Variants in AAGAB observed in about 807,000 individuals in gnomAD.
AAGAB encodes alpha- and gamma-adaptin-binding protein p34.
AAGAB carries 38 observed loss-of-function variants against 44.1 expected under a neutral mutation model. That is an observed-to-expected ratio of 0.86 (90% CI 0.67 to 1.13). The LOEUF is 1.13. Ranked by LOEUF, AAGAB falls within the 50% of genes most tolerant of loss-of-function variation. The pLI, the probability that AAGAB is intolerant of heterozygous loss-of-function variation, is 0.00. For missense variants in AAGAB, 450 were observed against 373.8 expected (o/e 1.20, Z -1.68); for synonymous variants, 131 against 131.8 (o/e 0.99, Z 0.04).
Position 67,202,669 on chromosome 15 carries a change from C to T in AAGAB, c.*152G>A, listed in dbSNP as rs532249958. 2.8e-3 allele frequency: 1,810 copies of T among 638,902 alleles called. 10 individuals carry two copies. The highest frequency in any genetic ancestry group is 4.3e-3 in the Non-Finnish European group (1,514 of 355,720). The allele number at this position is 638,902 out of a possible 1,614,324, so 39.6% of individuals were successfully genotyped here. On this transcript the variant is annotated 3_prime_UTR_variant, in exon 10 of 10. Transcript: ENST00000261880. ...AGGAAAAAAAAGATTTCTCCTTAAC[C>T]TCCTACTAAAAACTAAAATTAAGGG...
intron 1 of AAGAB, among the ~76,000 whole-genome samples, chr15:67,251,544 C>T (rs1964873521): frequency 1.3e-5 from 2 of 152,206 alleles, no homozygotes; most frequent in Non-Finnish European, 1.5e-5. Context: ...GCATGCACCA[C>T]TGCATTTGGA....
chr15:67,220,127 T>G (rs1213569854), intron 5 of AAGAB, among the ~76,000 whole-genome samples: 1 of 152,214 alleles, frequency 6.6e-6, no homozygotes, highest in African/African-American at 2.4e-5. Flanking sequence ...TAGCTGTACT[T>G]TGTTAAGTGC....
At chr15:67,250,985 C>T (rs1342927631) in intron 1 of AAGAB, among the ~76,000 whole-genome samples, 1 of 152,110 alleles carries the variant, frequency 6.6e-6, no homozygotes, top group Non-Finnish European at 1.5e-5. Context: ...CGAGATCGTG[C>T]CACTGCACTC....
intron 5 of AAGAB, among the ~76,000 whole-genome samples, chr15:67,217,426 GTA>G (rs1963975777): frequency 6.6e-6 from 1 of 152,186 alleles, no homozygotes; most frequent in South Asian, 2.1e-4. Flanking sequence ...AGTCAAATTT[GTA>G]TTTAATCATC....
intron 1 of AAGAB, among the ~76,000 whole-genome samples, chr15:67,244,222 C>A (rs1210127669): frequency 6.6e-6 from 1 of 152,180 alleles, no homozygotes; most frequent in Non-Finnish European, 1.5e-5. Context: ...TAAGCTTGAT[C>A]TGTTAGAAAA....
chr15:67,211,194 C>G (rs1463742036), intron 5 of AAGAB, among the ~76,000 whole-genome samples: 1 of 152,180 alleles, frequency 6.6e-6, no homozygotes, highest in Non-Finnish European at 1.5e-5. Flanking sequence ...TCATATGTAG[C>G]TATCAACCCA....
intron 6 of AAGAB, among the ~76,000 whole-genome samples, chr15:67,208,887 A>C (rs180817157): frequency 6.6e-6 from 1 of 152,372 alleles, no homozygotes; most frequent in Non-Finnish European, 1.5e-5. Context: ...TTTGCTTTAG[A>C]CTACTAAAAC....
At chr15:67,216,512 G>C (rs1319819566) in intron 5 of AAGAB, among the ~76,000 whole-genome samples, 1 of 147,208 alleles carries the variant, frequency 6.8e-6, no homozygotes, top group Admixed American at 6.8e-5. Context: ...CAATACTCTG[G>C]TATTTTGTCT....
chr15:67,211,280 T>C lies in AAGAB; in HGVS notation c.536-1736A>G, dbSNP rs149261859. ...TGCTGCCCTACTGCTTTTCATTCTG[T>C]ACAACCTCAACAGTGGCAGCATGGT... On this transcript the variant is annotated intron_variant, in intron 5 of 9. Transcript: ENST00000261880. Among the ~76,000 whole-genome samples the C allele has an allele frequency of 2.0e-3, 307 of 152,332 alleles. 2 individuals are homozygous for C. Among genetic ancestry groups the C allele is most frequent in the African/African-American group, 6.9e-3 (287 of 41,568 alleles).
At chr15:67,220,828 T>C (rs910289617) in intron 5 of AAGAB, among the ~76,000 whole-genome samples, 9 of 152,244 alleles carry the variant, frequency 5.9e-5, no homozygotes, top group Non-Finnish European at 1.2e-4. Flanking sequence ...CTGTCATTAA[T>C]GAGAATTCAC....
intron 4 of AAGAB, among the ~76,000 whole-genome samples, chr15:67,233,077 C>T (rs961062833): frequency 2.0e-5 from 3 of 152,194 alleles, no homozygotes; most frequent in African/African-American, 7.2e-5. Context: ...TACCAATCTA[C>T]ACAGAATGAG....
At chr15:67,252,901 T>C (rs896429032) in intron 1 of AAGAB, among the ~76,000 whole-genome samples, 2 of 152,222 alleles carry the variant, frequency 1.3e-5, no homozygotes, top group African/African-American at 4.8e-5. Context: ...GAAATTATAA[T>C]TATACAATGC....
At chr15:67,222,143 T>C (rs900654056) in intron 5 of AAGAB, among the ~76,000 whole-genome samples, 8 of 152,110 alleles carry the variant, frequency 5.3e-5, no homozygotes, top group African/African-American at 1.7e-4. Flanking sequence ...TAATCTCTTA[T>C]ATATACTACT....
At chr15:67,205,892 T>C (rs1419174963) in intron 7 of AAGAB, among the ~76,000 whole-genome samples, 1 of 151,364 alleles carries the variant, frequency 6.6e-6, no homozygotes, top group East Asian at 1.9e-4. Flanking sequence ...AATTTACTCT[T>C]AAAAAAAAAC....
rs772002801 is a variant in AAGAB, at chr15:67,203,610, T to C, written c.821-13A>G. 4.8e-5 allele frequency: 77 copies of C among 1,612,586 alleles called. 1 individual carries two copies. In the South Asian group the frequency reaches 4.8e-4, roughly 10 times the overall value. ...GTCGCAGCCTTGTCTAGGGGGAAAATATATCTTAAGAAATTTGTCTAATAG... is the reference window on the plus strand; with the variant it reads ...GTCGCAGCCTTGTCTAGGGGGAAAACATATCTTAAGAAATTTGTCTAATAG... On this transcript the variant is annotated splice_polypyrimidine_tract_variant and intron_variant, in intron 8 of 9. Coordinates refer to ENST00000261880, the MANE Select transcript of AAGAB (RefSeq NM_024666.5).
intron 5 of AAGAB, among the ~76,000 whole-genome samples, chr15:67,229,942 G>A (rs1239260339): frequency 6.6e-6 from 1 of 151,984 alleles, no homozygotes; most frequent in Admixed American, 6.6e-5. Context: ...TGACTCCCTG[G>A]TTCAAGTGAT....
chr15:67,222,242 G>GCGCGCGCGCGCGCACACA (rs1367738219), intron 5 of AAGAB, among the ~76,000 whole-genome samples: 10 of 90,044 alleles, frequency 1.1e-4, no homozygotes, highest in African/African-American at 3.8e-4. Context: ...GCGCGCGCGC[G>GCGCGCGCGCGCGCACACA]CACACACACA....
intron 7 of AAGAB, among the ~76,000 whole-genome samples, chr15:67,205,744 G>A (rs939363286): frequency 2.0e-5 from 3 of 152,242 alleles, no homozygotes; most frequent in Middle Eastern, 3.4e-3. Flanking sequence ...TGGCATACCA[G>A]GGGCAAAAGA....
chr15:67,213,425 A>G (rs1384055777), intron 5 of AAGAB, among the ~76,000 whole-genome samples: 3 of 152,244 alleles, frequency 2.0e-5, no homozygotes, highest in Non-Finnish European at 4.4e-5. Flanking sequence ...ATCTGAGGGC[A>G]CACTTAACTT....
Sources: allele counts gnomAD v4.1 joint callset (sites outside exome capture counted in the v4.1 genomes callset), GRCh38; gene constraint gnomAD v4.1.1; transcripts MANE v1.5; gene names NCBI Gene and HGNC (gene_info 2026-07-23, HGNC 2026-07-21).